LOC400499: variants seen among roughly 807,000 people sequenced by gnomAD.
chr16:11,484,799 A>G, the LOC400499 span: 1 of 360,678 alleles, frequency 2.8e-6, no homozygotes, highest in Non-Finnish European at 4.8e-6. Context: ...CGGACACCCA[A>G]GTCTCAGGTT....
chr16:11,493,278 G>A, the LOC400499 span, among the ~76,000 whole-genome samples: 1 of 152,324 alleles, frequency 6.6e-6, no homozygotes, highest in Non-Finnish European at 1.5e-5. Flanking sequence ...CTCTGCAGGT[G>A]GAGCAGGAAA....
the LOC400499 span, among the ~76,000 whole-genome samples, chr16:11,498,653 G>A: frequency 6.6e-6 from 1 of 151,650 alleles, no homozygotes; most frequent in East Asian, 1.9e-4. Context: ...GGCTCATGCA[G>A]GGCCTTGCTG....
chr16:11,491,184 T>C, the LOC400499 span, among the ~76,000 whole-genome samples: 1 of 152,210 alleles, frequency 6.6e-6, no homozygotes, highest in Non-Finnish European at 1.5e-5. Context: ...GATTTGAACC[T>C]GGGTTCTCAG....
chr16:11,461,247 C>T, the LOC400499 span: 1 of 1,151,830 alleles, frequency 8.7e-7, no homozygotes, highest in Non-Finnish European at 1.2e-6. Context: ...GAAGAGCCAA[C>T]ATGTGCACCC....
the LOC400499 span, chr16:11,462,097 G>C: frequency 6.8e-7 from 1 of 1,473,062 alleles, no homozygotes. Flanking sequence ...AGAGGGGACA[G>C]AAGGGGTCTC....
At chr16:11,487,321 G>A in the LOC400499 span, 8 of 399,200 alleles carry the variant, frequency 2.0e-5, no homozygotes, top group South Asian at 1.3e-4. Flanking sequence ...GTGGCAGAAC[G>A]GGGAAGAAAG....
chr16:11,411,343 G>C, the LOC400499 span: 3 of 399,180 alleles, frequency 7.5e-6, no homozygotes, highest in Admixed American at 4.4e-5. Context: ...AGGAAGGAAA[G>C]AGAAGGCCTG....
chr16:11,488,224 T>C, the LOC400499 span, among the ~76,000 whole-genome samples: 1 of 152,062 alleles, frequency 6.6e-6, no homozygotes, highest in Non-Finnish European at 1.5e-5. Flanking sequence ...CTATTAATGG[T>C]AGTGATAGAC....
At chr16:11,381,074 G>C in the LOC400499 span, 3 of 152,226 alleles carry the variant, frequency 2.0e-5, no homozygotes, top group South Asian at 6.2e-4. Context: ...GTAACTGGAC[G>C]CTGAAATCAC....
the LOC400499 span, chr16:11,465,190 G>C: frequency 6.6e-6 from 1 of 152,326 alleles, no homozygotes; most frequent in Non-Finnish European, 1.5e-5. Context: ...GCAGTGGCAT[G>C]ATCTCGACTC....
chr16:11,442,437 G>C, the LOC400499 span: 84,999 of 151,840 alleles, frequency 0.56, 24,011 homozygotes, highest in South Asian at 0.64. Context: ...TGGTCAGGCT[G>C]GTCTCGAACT....
the LOC400499 span, among the ~76,000 whole-genome samples, chr16:11,457,514 A>T: frequency 6.6e-6 from 1 of 150,794 alleles, no homozygotes; most frequent in Admixed American, 6.6e-5. Context: ...AATGGTGTGA[A>T]TTCAGGAGGC....
At chr16:11,424,100 C>T in the LOC400499 span, 1 of 399,440 alleles carries the variant, frequency 2.5e-6, no homozygotes, top group Non-Finnish European at 4.4e-6. Context: ...CAGCCCCCTC[C>T]TCACTCACCT....
chr16:11,497,341 T>C, the LOC400499 span, among the ~76,000 whole-genome samples: 4 of 152,156 alleles, frequency 2.6e-5, no homozygotes, highest in Non-Finnish European at 4.4e-5. Context: ...TGTTTCCCTA[T>C]ATTTGAGCAA....
At chr16:11,391,908 G>C in the LOC400499 span, 3 of 1,024,900 alleles carry the variant, frequency 2.9e-6, no homozygotes, top group South Asian at 4.8e-5. Flanking sequence ...CCAGGGCAGA[G>C]AGAGCCCCAG....
the LOC400499 span, among the ~76,000 whole-genome samples, chr16:11,379,124 A>G: frequency 1.3e-5 from 2 of 152,186 alleles, no homozygotes; most frequent in African/African-American, 4.8e-5. Context: ...TCGTGGTGGC[A>G]TACGCCTGTA....
the LOC400499 span, among the ~76,000 whole-genome samples, chr16:11,444,240 A>G: frequency 3.4e-4 from 52 of 152,208 alleles, no homozygotes; most frequent in African/African-American, 1.3e-3. Flanking sequence ...TCTACAAAAC[A>G]TCTTAAAATG....
At chr16:11,481,709 G>A in the LOC400499 span, among the ~76,000 whole-genome samples, 3 of 151,504 alleles carry the variant, frequency 2.0e-5, no homozygotes, top group Admixed American at 6.6e-5. Context: ...CTTGGCTCTC[G>A]GCAACCCCTG....
At chr16:11,472,033 G>A in the LOC400499 span, 1 of 388,066 alleles carries the variant, frequency 2.6e-6, no homozygotes, top group East Asian at 3.7e-5. Context: ...CATCTTATTT[G>A]GGGGCTGTCC....
Sources: gnomAD v4.1 joint callset for allele counts (sites outside exome capture counted in the v4.1 genomes callset) on GRCh38, gnomAD v4.1.1 for gene constraint, MANE v1.5 for transcripts.